CTDP1: variants seen among roughly 807,000 people sequenced by gnomAD.
CTDP1 encodes RNA polymerase II subunit A C-terminal domain phosphatase.
In CTDP1, 47 loss-of-function variants were observed where a neutral mutation model predicts 91.8. The observed-to-expected ratio is 0.51, with a 90% CI of 0.41 to 0.65. CTDP1 has a LOEUF of 0.65. Among genes scored for constraint, CTDP1 ranks in the 30% least tolerant of loss-of-function variants. The probability of loss-of-function intolerance (pLI) is 0.00; values close to 1 mark genes in which losing one functional copy is unlikely to be tolerated. For synonymous variants in CTDP1, 656 were observed against 598.5 expected, an observed-to-expected ratio of 1.10 and a Z score of -1.40; for missense variants, 1,272 against 1,373.7, an observed-to-expected ratio of 0.93 and a Z score of 1.17.
chr18:79,706,123 A>G (rs1329338093), intron 5 of CTDP1, among the ~76,000 whole-genome samples: 1 of 152,194 alleles, frequency 6.6e-6, no homozygotes, highest in African/African-American at 2.4e-5. Flanking sequence ...GAATGGAATC[A>G]GGGCCCTTAC....
upstream of CTDP1, chr18:79,678,554 C>CT (rs1007858269): frequency 1.3e-5 from 2 of 152,170 alleles, no homozygotes; most frequent in African/African-American, 4.8e-5. Flanking sequence ...AATAAACTCT[C>CT]TACTTAGAGA....
chr18:79,682,293 A>C (rs2085389780), intron 1 of CTDP1, among the ~76,000 whole-genome samples: 1 of 152,130 alleles, frequency 6.6e-6, no homozygotes, highest in African/African-American at 2.4e-5. Flanking sequence ...AAATTACTAG[A>C]TTCAGTCACT....
chr18:79,749,405 C>G (rs147773596), intron 12 of CTDP1, among the ~76,000 whole-genome samples: 5 of 152,038 alleles, frequency 3.3e-5, no homozygotes, highest in African/African-American at 9.6e-5. Flanking sequence ...CACCTGCCAG[C>G]ACCCCCGAGT....
At chr18:79,679,772 C>T (rs2085313998), upstream of CTDP1, 1 of 573,086 alleles carries the variant, frequency 1.7e-6, no homozygotes, top group Non-Finnish European at 3.0e-6. Context: ...ACGTACGCGG[C>T]GCCCTTGCGT....
chr18:79,679,972 G>A lies in CTDP1; in HGVS notation c.25G>A (p.Val9Ile). The A allele has an allele frequency of 7.3e-7, 1 of 1,372,696 alleles. No individual in the cohort carries two copies. Among genetic ancestry groups the A allele is most frequent in the Non-Finnish European group, 9.4e-7 (1 of 1,058,544 alleles). 85.0% of individuals were successfully genotyped at this position (1,372,696 alleles called of 1,614,324 possible). A position where few individuals can be genotyped will look rare whatever the true frequency, so the allele number is the denominator to read the frequency against. The change falls in exon 1 of 13, where the codon GTT (valine) becomes ATT (isoleucine). Residue 9 changes from valine to isoleucine, a missense_variant. Coordinates refer to ENST00000613122, the MANE Select transcript of CTDP1 (RefSeq NM_004715.5). MEVPAAGR[V>I]PAEGAPTAAV... ...GATGGAGGTGCCGGCCGCGGGTCGC[G>A]TTCCTGCCGAGGGCGCCCCGACGGC...
At position 79,711,782 on chromosome 18, in the gene CTDP1, G is replaced by A. The variant is rs547827908; in HGVS notation, c.864-1190G>A. Among the ~76,000 whole-genome samples the A allele has an allele frequency of 1.4e-4, 21 of 152,292 alleles. 1 individual carries two copies. The South Asian group carries it at 4.1e-3, about 30-fold the overall frequency. On this transcript the variant is annotated intron_variant, in intron 6 of 12. Transcript: ENST00000613122. Reference sequence around the variant, plus strand: ...TCAGCTCCTCTGAGCCTTTTTGACAGGGCAGGCCGCTCCCCGCCCCTCCGC... The same window carrying A: ...TCAGCTCCTCTGAGCCTTTTTGACAAGGCAGGCCGCTCCCCGCCCCTCCGC...
At chr18:79,738,956 C>T (rs764463687) in intron 12 of CTDP1, among the ~76,000 whole-genome samples, 8 of 152,224 alleles carry the variant, frequency 5.3e-5, no homozygotes, top group Non-Finnish European at 1.0e-4. Flanking sequence ...TTTGCCTGGC[C>T]GTACCTTCCT....
At chr18:79,707,120 A>G (rs2085982708) in intron 5 of CTDP1, among the ~76,000 whole-genome samples, 1 of 152,184 alleles carries the variant, frequency 6.6e-6, no homozygotes, top group South Asian at 2.1e-4. Context: ...GAGCATGTGG[A>G]AGGCTCGGAT....
upstream of CTDP1, chr18:79,679,572 G>T: frequency 2.1e-6 from 1 of 466,184 alleles, no homozygotes; most frequent in Non-Finnish European, 4.3e-6. Context: ...TTCCGAGCGC[G>T]CCAAGACCGT....
chr18:79,679,328 C>T (rs2085302143), upstream of CTDP1: 2 of 438,546 alleles, frequency 4.6e-6, no homozygotes, highest in Non-Finnish European at 9.3e-6. Flanking sequence ...CCGACAGCCT[C>T]ACGTCTCTGG....
At chr18:79,695,893 C>G (rs2085736254) in intron 2 of CTDP1, 84 bp from the exon 3 acceptor site, 2 of 1,098,478 alleles carry the variant, frequency 1.8e-6, no homozygotes, top group South Asian at 2.5e-5. Context: ...AAAACATCAG[C>G]TAGAATCCTG....
intron 12 of CTDP1, among the ~76,000 whole-genome samples, chr18:79,739,474 C>T (rs1326642415): frequency 4.6e-5 from 7 of 151,800 alleles, no homozygotes; most frequent in East Asian, 1.9e-4. Flanking sequence ...CACGCAAGCA[C>T]GATTAGAGAA....
chr18:79,717,811 G>A lies in CTDP1; in HGVS notation c.2212G>A (p.Glu738Lys), dbSNP rs755260077. 2.5e-5 allele frequency: 41 copies of A among 1,613,780 alleles called. 1 individual carries two copies. The South Asian group carries it at 2.6e-4, about 10-fold the overall frequency. Reference sequence around the variant, plus strand: ...GCCCTCGTTCTCTTCCTCCGACAGGGAGAACAGCCCTGCGGCCTTTCCCGA... The same window carrying A: ...GCCCTCGTTCTCTTCCTCCGACAGGAAGAACAGCCCTGCGGCCTTTCCCGA... Reference protein sequence around the residue: ...LRDDHTKAQRENSPAAFPDRE... With the variant: ...LRDDHTKAQRKNSPAAFPDRE... The change falls in exon 10 of 13, where the codon GAG becomes AAG. Residue 738 changes from glutamate (E) to lysine (K), a missense_variant and splice_region_variant. Physicochemically the swap from Glu to Lys is moderately conservative, Grantham distance 56 (BLOSUM62 1). Coordinates refer to ENST00000613122, the MANE Select transcript of CTDP1 (RefSeq NM_004715.5).
intron 10 of CTDP1, among the ~76,000 whole-genome samples, chr18:79,723,567 G>A (rs995315158): frequency 6.6e-6 from 1 of 152,196 alleles, no homozygotes; most frequent in Non-Finnish European, 1.5e-5. Flanking sequence ...GGGTGAGTGG[G>A]AACATTCAGT....
rs779336734 is a variant in CTDP1, at chr18:79,714,991, C to T, written c.1531C>T (p.Pro511Ser). 2.5e-5 allele frequency: 39 copies of T among 1,579,696 alleles called. 1 individual carries two copies. In the Admixed American group the frequency reaches 7.3e-4, roughly 29 times the overall value. The stretch of plus-strand genomic sequence containing the variant: ...CCTGGAGCCGGGGCGGCCTGCAGCA[C>T]CGAGTCTCCCCGGAGAGGCCGAGCC... ...SSLEPGRPAAPSLPGEAEPGA... is the reference protein window; with the variant it reads ...SSLEPGRPAASSLPGEAEPGA... The change falls in exon 8 of 13, where the codon CCG becomes TCG. Residue 511 changes from proline (P) to serine (S), a missense_variant. Coordinates refer to ENST00000613122, the MANE Select transcript of CTDP1 (RefSeq NM_004715.5).
intron 10 of CTDP1, among the ~76,000 whole-genome samples, chr18:79,722,897 C>T (rs1232043610): frequency 2.0e-5 from 3 of 152,152 alleles, no homozygotes; most frequent in Non-Finnish European, 4.4e-5. Flanking sequence ...CCTCTGGTCC[C>T]ACCCTCCCTT....
upstream of CTDP1, chr18:79,679,697 G>T: frequency 1.9e-6 from 1 of 534,556 alleles, no homozygotes; most frequent in South Asian, 1.7e-5. Context: ...GGCACGCAGG[G>T]TTGGTCCCAG....
chr18:79,679,845 A>T lies in CTDP1; in HGVS notation c.-103A>T. ...GCGACGGGTGGAAGCCGGTACCGAG[A>T]GGAACTACAGCGTCGCCGCCTGGGT... On this transcript the variant is annotated 5_prime_UTR_variant, in exon 1 of 13. Coordinates refer to ENST00000613122, the MANE Select transcript of CTDP1 (RefSeq NM_004715.5). 9 of 1,114,406 alleles carry T rather than the reference A, an allele frequency of 8.1e-6. No homozygotes were observed. Among genetic ancestry groups the T allele is most frequent in the Middle Eastern group, 3.3e-4 (1 of 2,994 alleles). 69.0% of individuals were successfully genotyped at this position (1,114,406 alleles called of 1,614,324 possible).
chr18:79,712,953 T>C lies in CTDP1; in HGVS notation c.864-19T>C, dbSNP rs1411855386. 2 of 1,612,744 alleles carry C rather than the reference T, an allele frequency of 1.2e-6. No homozygotes were observed. Among genetic ancestry groups the C allele is most frequent in the South Asian group, 2.2e-5 (2 of 91,042 alleles). On this transcript the variant is annotated intron_variant, in intron 6 of 12. Transcript: ENST00000613122. Reference sequence around the variant, plus strand: ...CTTTTCATTATTATTTTTTGTAAATTATGCATTTTCACTTGTAGAAATCTC... The same window carrying C: ...CTTTTCATTATTATTTTTTGTAAATCATGCATTTTCACTTGTAGAAATCTC...
Sources: allele counts gnomAD v4.1 joint callset (sites outside exome capture counted in the v4.1 genomes callset), GRCh38; gene constraint gnomAD v4.1.1; transcripts MANE v1.5; gene names NCBI Gene and HGNC (gene_info 2026-07-23, HGNC 2026-07-21).